Variants in MX1 observed in about 807,000 individuals in gnomAD.
MX1 encodes MX dynamin like GTPase 1.
Under a neutral mutation model 66.4 loss-of-function variants are expected in MX1, and 66 were observed. The observed-to-expected ratio is 0.99, with a 90% CI of 0.82 to 1.22. The LOEUF (loss-of-function observed/expected upper bound fraction) is 1.22, where lower values mean the gene tolerates loss of function less well. MX1 is among the 50% of genes most tolerant of loss of function. The probability of loss-of-function intolerance (pLI) is 0.00; values close to 1 mark genes in which losing one functional copy is unlikely to be tolerated. For synonymous variants in MX1, 311 were observed against 318.1 expected (o/e 0.98, Z 0.24); for missense variants, 787 against 834.3 (o/e 0.94, Z 0.70).
intron 3 of MX1, chr21:41,428,747 A>G (rs1020299464): frequency 6.6e-6 from 1 of 152,232 alleles, no homozygotes; most frequent in Non-Finnish European, 1.5e-5. Context: ...CCCCTTTACT[A>G]TGAGCGAAAG....
chr21:41,436,693 C>T (rs906112012), intron 6 of MX1, among the ~76,000 whole-genome samples: 1 of 152,092 alleles, frequency 6.6e-6, no homozygotes, highest in Non-Finnish European at 1.5e-5. Flanking sequence ...GGAAGATGTT[C>T]GGATGAGTTT....
chr21:41,445,387 C>T, intron 11 of MX1, 61 bp from the exon 12 acceptor site: 1 of 1,598,296 alleles, frequency 6.3e-7, no homozygotes, highest in Non-Finnish European at 8.6e-7. Flanking sequence ...GGCCCGGGAC[C>T]TCCTTTTCAT....
At chr21:41,449,064 T>C (rs2146309712) in intron 13 of MX1, 73 bp from the exon 14 acceptor site, 1 of 1,363,162 alleles carries the variant, frequency 7.3e-7, no homozygotes, top group East Asian at 2.4e-5. Context: ...AAATTTAGAA[T>C]GGTATTGTGT....
chr21:41,447,271 A>C (rs1257478523), intron 13 of MX1, among the ~76,000 whole-genome samples: 1 of 152,126 alleles, frequency 6.6e-6, no homozygotes, highest in East Asian at 1.9e-4. Flanking sequence ...CACTAGGCAG[A>C]TGGGATGAGG....
At position 41,441,915 on chromosome 21, in the gene MX1, GT is replaced by G. The variant is rs752068939; in HGVS notation, c.929+2del. ...TCTTTGAGAACCACCCATATTTCAG[GT>G]GCGCTTGCCTGGGTTTCATCATGGA... On this transcript the variant is annotated splice_donor_variant, in intron 10 of 16. Transcript: ENST00000398598. LOFTEE classifies it high-confidence loss of function. The surrounding 1 kb of genome is among the most constrained non-coding windows in gnomAD (Gnocchi z 4.0). 1 of 1,614,076 alleles carries G rather than the reference GT, an allele frequency of 6.2e-7. No individual in the cohort carries two copies. The highest frequency in any genetic ancestry group is 8.5e-7 in the Non-Finnish European group (1 of 1,180,012).
chr21:41,454,218 A>G (rs73905369), intron 16 of MX1, among the ~76,000 whole-genome samples: 4,926 of 152,298 alleles, frequency 0.032, 271 homozygotes, highest in African/African-American at 0.11. Context: ...AGGGTCTGCA[A>G]TCTGTCTTGT....
At chr21:41,432,555 G>A (rs1462684345) in intron 5 of MX1, among the ~76,000 whole-genome samples, 5 of 152,324 alleles carry the variant, frequency 3.3e-5, no homozygotes, top group South Asian at 4.1e-4. Flanking sequence ...TTGTAGGGAA[G>A]CCACGTGGTG....
At chr21:41,438,442 G>A (rs374843418) in intron 7 of MX1, among the ~76,000 whole-genome samples, 231 of 152,302 alleles carry the variant, frequency 1.5e-3, no homozygotes, top group African/African-American at 5.3e-3. Context: ...GCCCTTGGCT[G>A]GAGTGACCGG....
chr21:41,427,456 T>A (rs1012315923), intron 2 of MX1, among the ~76,000 whole-genome samples, 152 bp downstream of exon 2: 6 of 152,224 alleles, frequency 3.9e-5, no homozygotes, highest in Non-Finnish European at 7.3e-5. Context: ...CTAGACTGAA[T>A]TGGCACATGT....
In MX1 at chr21:41,452,614, A is replaced by G. The variant is rs376808911; in HGVS notation, c.1510-7A>G. 67 of 1,588,378 alleles carry G rather than the reference A, an allele frequency of 4.2e-5. No individual in the cohort carries two copies. Among genetic ancestry groups the G allele is most frequent in the Non-Finnish European group, 5.4e-5 (63 of 1,169,208 alleles). ...GGGAAACTGTATTTATTTATTTTTTACTGTAGTCCAAAATTGAAGACATTA... is the reference window on the plus strand; with the variant it reads ...GGGAAACTGTATTTATTTATTTTTTGCTGTAGTCCAAAATTGAAGACATTA... On this transcript the variant is annotated splice_region_variant and splice_polypyrimidine_tract_variant and intron_variant, in intron 15 of 16. Transcript: ENST00000398598.
intron 11 of MX1, among the ~76,000 whole-genome samples, chr21:41,444,304 C>A (rs1368681888): frequency 8.5e-6 from 1 of 117,332 alleles, no homozygotes; most frequent in African/African-American, 3.2e-5. Context: ...ATTTTCTTTT[C>A]TTTTCTTTTC....
chr21:41,454,097 T>C (rs916675002), intron 16 of MX1, among the ~76,000 whole-genome samples: 11 of 143,116 alleles, frequency 7.7e-5, no homozygotes, highest in Admixed American at 1.4e-4. Flanking sequence ...CAGGTGCAAA[T>C]TCCCCCCCCA....
intron 5 of MX1, among the ~76,000 whole-genome samples, chr21:41,433,907 T>C (rs2090291703): frequency 6.6e-6 from 1 of 152,234 alleles, no homozygotes; most frequent in Admixed American, 6.5e-5. Flanking sequence ...TATTCATGCA[T>C]TTGGTAAGGC....
upstream of MX1, among the ~76,000 whole-genome samples, chr21:41,424,956 G>T (rs1481597485): frequency 1.3e-5 from 2 of 152,228 alleles, no homozygotes; most frequent in African/African-American, 4.8e-5. Flanking sequence ...TGGCAATTCA[G>T]TTATATTGAC....
upstream of MX1, chr21:41,423,288 G>C (rs995561279): frequency 6.6e-6 from 1 of 152,322 alleles, no homozygotes; most frequent in Non-Finnish European, 1.5e-5. Flanking sequence ...GATGGCAAGC[G>C]AAAGCTCAGC....
chr21:41,432,101 G>T lies in MX1; in HGVS notation c.31G>T (p.Ala11Ser), dbSNP rs991603387. 6.2e-7 allele frequency: 1 copy of T among 1,614,172 alleles called. No individual in the cohort carries two copies. The highest frequency in any genetic ancestry group is 1.1e-5 in the South Asian group (1 of 91,090). MVVSEVDIAK[A>S]DPAAASHPLL... Reference sequence around the variant, plus strand: ...TGTTTCCGAAGTGGACATCGCAAAAGCTGATCCAGCTGCTGCATCCCACCC... The same window carrying T: ...TGTTTCCGAAGTGGACATCGCAAAATCTGATCCAGCTGCTGCATCCCACCC... The change falls in exon 5 of 17, where the codon GCT becomes TCT. Residue 11 changes from alanine to serine, a missense_variant. Physicochemically the swap from Ala to Ser is moderately conservative, Grantham distance 99. Coordinates refer to ENST00000398598, the MANE Select transcript of MX1 (RefSeq NM_002462.5).
intron 13 of MX1, among the ~76,000 whole-genome samples, chr21:41,448,849 G>A (rs1386988194): frequency 2.6e-5 from 4 of 151,934 alleles, no homozygotes; most frequent in Non-Finnish European, 4.4e-5. Context: ...AAGTTTCTGC[G>A]TATGTGGGTT....
chr21:41,454,348 T>G lies in MX1; in HGVS notation c.1758+1479T>G, dbSNP rs189260639. Among the ~76,000 whole-genome samples the G allele has an allele frequency of 2.3e-3, 352 of 152,178 alleles. 2 individuals carry two copies. Among genetic ancestry groups the G allele is most frequent in the African/African-American group, 8.2e-3 (341 of 41,468 alleles). The stretch of plus-strand genomic sequence containing the variant: ...TGACTTAACCCCTGCCTCACATGAC[T>G]TTATAATATGGTATCTTACTACTCC... On this transcript the variant is annotated intron_variant, in intron 16 of 16. Coordinates refer to ENST00000398598, the MANE Select transcript of MX1 (RefSeq NM_002462.5).
At chr21:41,449,973 G>A (rs1352927826) in intron 14 of MX1, among the ~76,000 whole-genome samples, 1 of 152,106 alleles carries the variant, frequency 6.6e-6, no homozygotes, top group African/African-American at 2.4e-5. Flanking sequence ...AGCTATGTAG[G>A]GGCCCACCAG....
Sources: allele counts gnomAD v4.1 joint callset (sites outside exome capture counted in the v4.1 genomes callset), GRCh38; gene constraint gnomAD v4.1.1; non-coding constraint Gnocchi (gnomAD v3.1); transcripts MANE v1.5; gene names NCBI Gene and HGNC (gene_info 2026-07-23, HGNC 2026-07-21).